The following CFAP99 variants were observed in gnomAD, a reference collection of about 807,000 sequenced individuals.
The protein encoded by CFAP99 is cilia and flagella associated protein 99.
CFAP99 carries 84 observed loss-of-function variants against 82.7 expected under a neutral mutation model. That is an observed-to-expected ratio of 1.02 (90% confidence interval 0.85 to 1.22). The LOEUF is 1.22. Ranked by LOEUF, CFAP99 falls within the 50% of genes most tolerant of loss-of-function variation. CFAP99 has a pLI of 0.00. For synonymous variants in CFAP99, 456 were observed against 429.5 expected, an observed-to-expected ratio of 1.06 and a Z score of -0.76; for missense variants, 1,059 against 983.5, an observed-to-expected ratio of 1.08 and a Z score of -1.03.
At position 2,461,900 on chromosome 4, in the gene CFAP99, G is replaced by C. The variant is rs559120232; in HGVS notation, c.1662-543G>C. ...AGGGGGTACCTCCAGGCAAGAGACAGAAGAGTGCGAGGTCAAAGGAGGCTT... is the reference window on the plus strand; with the variant it reads ...AGGGGGTACCTCCAGGCAAGAGACACAAGAGTGCGAGGTCAAAGGAGGCTT... On this transcript the variant is annotated intron_variant, in intron 14 of 14. Coordinates refer to ENST00000635017, the Ensembl canonical transcript of CFAP99. Among the ~76,000 whole-genome samples the C allele has an allele frequency of 1.2e-3, 186 of 152,204 alleles. 3 individuals are homozygous for C. In the Middle Eastern group the frequency reaches 0.017, roughly 14 times the overall value.
intron 2 of CFAP99, chr4:2,427,628 T>C (rs1434660181): frequency 6.6e-6 from 1 of 152,622 alleles, no homozygotes; most frequent in Non-Finnish European, 1.5e-5. Flanking sequence ...GTGCGCTGCT[T>C]TTCTGCACGG....
At chr4:2,440,956 G>T (rs1295400137) in intron 4 of CFAP99, among the ~76,000 whole-genome samples, 1 of 151,926 alleles carries the variant, frequency 6.6e-6, no homozygotes, top group Non-Finnish European at 1.5e-5. Context: ...CACTCACGAA[G>T]TTGAAGCAGG....
intron 1 of CFAP99, among the ~76,000 whole-genome samples, chr4:2,419,782 T>C (rs1578457612): frequency 6.6e-6 from 1 of 151,956 alleles, no homozygotes; most frequent in Non-Finnish European, 1.5e-5. Flanking sequence ...TCCATGTTTA[T>C]TTTTGAGTAA....
intron 1 of CFAP99, among the ~76,000 whole-genome samples, chr4:2,420,737 G>A (rs1418181397): frequency 6.6e-6 from 1 of 151,994 alleles, no homozygotes; most frequent in Admixed American, 6.5e-5. Context: ...AGAGGCAATC[G>A]TGGTTGGTAT....
exon 14 of CFAP99, chr4:2,460,204 G>T (rs746230298): frequency 1.3e-6 from 2 of 1,536,018 alleles, no homozygotes; most frequent in Middle Eastern, 1.7e-4. Context: ...AGCAGATCTC[G>T]CTGTGCCGTG....
intron 4 of CFAP99, among the ~76,000 whole-genome samples, chr4:2,441,753 G>A (rs573564698): frequency 6.6e-6 from 1 of 152,296 alleles, no homozygotes; most frequent in Non-Finnish European, 1.5e-5. Context: ...CCTGCCTCGG[G>A]GCTCCAGGAA....
intron 2 of CFAP99, among the ~76,000 whole-genome samples, chr4:2,435,013 G>C (rs1041300279): frequency 3.9e-5 from 6 of 152,030 alleles, no homozygotes; most frequent in Non-Finnish European, 8.8e-5. Context: ...AGCAACTGAA[G>C]GGCTGGGTGG....
chr4:2,426,087 G>A (rs781300073), intron 1 of CFAP99, among the ~76,000 whole-genome samples: 5 of 152,184 alleles, frequency 3.3e-5, no homozygotes, highest in African/African-American at 9.7e-5. Flanking sequence ...GCTCTCTGCC[G>A]TGGGCCCCTT....
Position 2,462,498 on chromosome 4 carries a change from C to A in CFAP99, c.1717C>A (p.Arg573Ser), listed in dbSNP as rs926921257. The change falls in exon 15 of 15, where the codon CGC becomes AGC. Residue 573 changes from arginine (R) to serine (S), a missense_variant. Physicochemically the swap from Arg to Ser is moderately radical, Grantham distance 110. Transcript: ENST00000635017. This position sits in a 1 kb window ranked among gnomAD's most constrained non-coding sequence, Gnocchi z 4.1. ...CCCGGCGGCGCCCTCGCAGGACGAGCGCGTGCAGCAGCTGCGGCGCAGGAT... is the reference window on the plus strand; with the variant it reads ...CCCGGCGGCGCCCTCGCAGGACGAGAGCGTGCAGCAGCTGCGGCGCAGGAT... 2 of 1,477,280 alleles carry A rather than the reference C, an allele frequency of 1.4e-6. No homozygotes were observed. Among genetic ancestry groups the A allele is most frequent in the South Asian group, 1.3e-5 (1 of 78,136 alleles). The allele number at this position is 1,477,280 out of a possible 1,614,324, so 91.5% of individuals were successfully genotyped here.
intron 10 of CFAP99, 80 bp from the exon 11 acceptor site, chr4:2,452,062 C>A: frequency 7.0e-7 from 1 of 1,435,976 alleles, no homozygotes; most frequent in Non-Finnish European, 9.5e-7. Context: ...AGCCACTGTC[C>A]CTCAGGAAAA....
rs1394104552 is a variant in CFAP99, at chr4:2,448,944, G to C, written c.643-726G>C. Among the ~76,000 whole-genome samples the C allele has an allele frequency of 1.3e-5, 2 of 152,314 alleles. No homozygotes were observed. Among genetic ancestry groups the C allele is most frequent in the Middle Eastern group, 3.4e-3 (1 of 294 alleles). ...GTGTGAGAGACAGAGGTGACAAGGA[G>C]GACTCTGAGGCATGGGTGAGGAATG... On this transcript the variant is annotated intron_variant, in intron 6 of 14. Coordinates refer to ENST00000635017, the Ensembl canonical transcript of CFAP99. This position sits in a 1 kb window ranked among gnomAD's most constrained non-coding sequence, Gnocchi z 5.2.
intron 11 of CFAP99, 62 bp downstream of exon 11, chr4:2,452,408 G>C (rs114917658): frequency 6.7e-7 from 1 of 1,498,720 alleles, no homozygotes; most frequent in African/African-American, 1.4e-5. Context: ...CCCACCGGGA[G>C]CTGCAGGGCC....
At chr4:2,458,067 C>T (rs766172381) in intron 11 of CFAP99, among the ~76,000 whole-genome samples, 1 of 152,062 alleles carries the variant, frequency 6.6e-6, no homozygotes, top group Non-Finnish European at 1.5e-5. Context: ...GAGGCACCGC[C>T]GCCCTCTTCT....
chr4:2,431,848 C>T (rs34068862), intron 2 of CFAP99, among the ~76,000 whole-genome samples: 19,015 of 152,012 alleles, frequency 0.13, 1,267 homozygotes, highest in Non-Finnish European at 0.15. Context: ...TCCCAAGTAG[C>T]TGGAATTACA....
intron 14 of CFAP99, 92 bp downstream of exon 14, chr4:2,460,334 C>A: frequency 8.9e-7 from 1 of 1,123,186 alleles, no homozygotes; most frequent in Non-Finnish European, 1.3e-6. Context: ...CTCCTAGAAA[C>A]AACCACCACC....
intron 6 of CFAP99, among the ~76,000 whole-genome samples, chr4:2,445,821 G>T (rs1445860852): frequency 2.0e-5 from 3 of 152,286 alleles, no homozygotes; most frequent in Non-Finnish European, 4.4e-5. Flanking sequence ...ACCCTCATGA[G>T]TGAAGTAGGA....
chr4:2,443,307 C>T (rs1452300353), intron 5 of CFAP99, 65 bp downstream of exon 5: 14 of 996,434 alleles, frequency 1.4e-5, no homozygotes, highest in East Asian at 5.2e-5. Flanking sequence ...GGTGCCTCCA[C>T]GGGCACGGGA....
chr4:2,452,164 G>T, exon 11 of CFAP99: 1 of 1,536,208 alleles, frequency 6.5e-7, no homozygotes, highest in Non-Finnish European at 8.7e-7. Context: ...CGTGGATGGG[G>T]CTGGGGACTT....
At chr4:2,437,870 G>T (rs1019872636) in intron 3 of CFAP99, among the ~76,000 whole-genome samples, 200 bp from the exon 4 acceptor site, 1 of 152,218 alleles carries the variant, frequency 6.6e-6, no homozygotes, top group Admixed American at 6.5e-5. Flanking sequence ...ATTTGTCAAA[G>T]TGCTTTGAAA....
Sources: allele counts gnomAD v4.1 joint callset (sites outside exome capture counted in the v4.1 genomes callset), GRCh38; gene constraint gnomAD v4.1.1; non-coding constraint Gnocchi (gnomAD v3.1); transcripts MANE v1.5; gene names NCBI Gene and HGNC (gene_info 2026-07-23, HGNC 2026-07-21).